Variants in RRP12 observed in about 807,000 individuals in gnomAD.
The protein encoded by RRP12 is ribosomal RNA processing 12 homolog.
A neutral mutation model predicts 157.3 loss-of-function variants in RRP12; 78 were observed. The ratio of observed to expected loss-of-function variants is 0.50; its 90% CI spans 0.41 to 0.60. RRP12 has a LOEUF of 0.60. Ranked by LOEUF, RRP12 falls within the 20% of genes least tolerant of loss-of-function variation. The pLI is 0.00. For missense variants in RRP12, 1,521 were observed against 1,679.9 expected, an observed-to-expected ratio of 0.91 and a Z score of 1.65; for synonymous variants, 726 against 670.9, an observed-to-expected ratio of 1.08 and a Z score of -1.27.
rs1589410857 is a variant in RRP12, at chr10:97,363,426, G to C, written c.3567+428C>G. Reference sequence around the variant, plus strand: ...TCCTGGTTTGCACAGACTGAGTCCTGTGACCCTGGGCAGGCTACTTACCTC... The same window carrying C: ...TCCTGGTTTGCACAGACTGAGTCCTCTGACCCTGGGCAGGCTACTTACCTC... On this transcript the variant is annotated intron_variant, in intron 30 of 33. Transcript: ENST00000370992. Among the ~76,000 whole-genome samples, 3 of 152,300 alleles carry C rather than the reference G, an allele frequency of 2.0e-5. No individual in the cohort carries two copies. The Middle Eastern group carries it at 0.01, about 518-fold the overall frequency.
rs1294497830 is a variant in RRP12 at position 97,372,076 on chromosome 10, T to C, written c.2340A>G (p.Leu780=). The C allele has an allele frequency of 1.2e-6, 2 of 1,611,736 alleles. No homozygotes were observed. The highest frequency in any genetic ancestry group is 1.3e-5 in the African/African-American group (1 of 74,904). Reference sequence around the variant, plus strand: ...GCTCCTGGCCCCCGAGGCTCACCTCTAGGTAGGGCCGGATGGTGGAGTATA... The same window carrying C: ...GCTCCTGGCCCCCGAGGCTCACCTCCAGGTAGGGCCGGATGGTGGAGTATA... ...SKLYSTIRPY[L]ESKAHGVQKK... The change falls in exon 20 of 34, where the codon CTA becomes CTG. Residue 780 remains leucine, a synonymous_variant. Transcript: ENST00000370992.
At chr10:97,385,366 G>T in intron 9 of RRP12, 109 bp from the exon 10 acceptor site, 1 of 865,856 alleles carries the variant, frequency 1.2e-6, no homozygotes, top group Non-Finnish European at 1.9e-6. Flanking sequence ...CAGTGCTTGT[G>T]ACCCTAGCAC....
intron 15 of RRP12, among the ~76,000 whole-genome samples, chr10:97,379,041 A>G (rs866952732): frequency 1.3e-5 from 2 of 152,250 alleles, no homozygotes; most frequent in Admixed American, 6.5e-5. Flanking sequence ...CAGTTGGGGC[A>G]GCTCCATGTG....
At chr10:97,361,223 G>A (rs1350034141) in intron 30 of RRP12, among the ~76,000 whole-genome samples, 4 of 152,316 alleles carry the variant, frequency 2.6e-5, no homozygotes, top group East Asian at 1.9e-4. Context: ...ACGTCAGCTC[G>A]TCAATTATAT....
intron 3 of RRP12, among the ~76,000 whole-genome samples, chr10:97,394,820 T>C (rs1345870427): frequency 6.6e-6 from 1 of 152,216 alleles, no homozygotes; most frequent in Non-Finnish European, 1.5e-5. Context: ...GTATGTTCTT[T>C]TTGTGTGTGT....
chr10:97,374,918 T>C (rs1251768186), intron 15 of RRP12, among the ~76,000 whole-genome samples: 1 of 152,138 alleles, frequency 6.6e-6, no homozygotes, highest in Non-Finnish European at 1.5e-5. Flanking sequence ...ACTTTTTCAT[T>C]TAATCCTCAC....
chr10:97,372,846 G>A (rs41300215), intron 18 of RRP12, 43 bp from the exon 19 acceptor site: 92,573 of 1,536,726 alleles, frequency 0.06, 3,097 homozygotes, highest in East Asian at 0.1. Context: ...TCATTGGGGA[G>A]GAGCGAAAGA....
chr10:97,389,344 C>T (rs940749454), intron 6 of RRP12, among the ~76,000 whole-genome samples: 8 of 152,102 alleles, frequency 5.3e-5, no homozygotes, highest in Non-Finnish European at 1.2e-4. Context: ...CCGCCCGCCT[C>T]GGCCTCCCAA....
chr10:97,365,272 G>T (rs907502768), intron 29 of RRP12, among the ~76,000 whole-genome samples: 6 of 118,464 alleles, frequency 5.1e-5, no homozygotes, highest in Admixed American at 1.9e-4. Context: ...AGACCTAGGT[G>T]TTTTTTTTTT....
chr10:97,388,060 T>C, intron 8 of RRP12, 192 bp downstream of exon 8: 1 of 634,156 alleles, frequency 1.6e-6, no homozygotes, highest in South Asian at 2.0e-5. Flanking sequence ...TGAGGTCAGC[T>C]TCCATCTGGA....
intron 15 of RRP12, among the ~76,000 whole-genome samples, chr10:97,376,609 G>A (rs1844315526): frequency 6.6e-6 from 1 of 152,154 alleles, no homozygotes; most frequent in African/African-American, 2.4e-5. Flanking sequence ...TTGACAATGT[G>A]GACATTTTGG....
At chr10:97,362,396 G>C (rs1041324546) in intron 30 of RRP12, among the ~76,000 whole-genome samples, 1 of 152,222 alleles carries the variant, frequency 6.6e-6, no homozygotes, top group East Asian at 1.9e-4. Context: ...AAGATTTCCA[G>C]GAAAAGTGAA....
Position 97,372,145 on chromosome 10 carries a change from G to A in RRP12, c.2271C>T (p.Val757=), listed in dbSNP as rs1451971526. ...CGTCAGCACACGGAGCCAAGGCCAC[G>A]ACCAGGTCCAGGACAGACAATCTGC... ...DFTRLSVLDL[V]VALAPCADEA... The change falls in exon 20 of 34, where the codon GTC becomes GTT. Residue 757 remains valine, a synonymous_variant. Coordinates refer to ENST00000370992, the MANE Select transcript of RRP12 (RefSeq NM_015179.4). 1.9e-6 allele frequency: 3 copies of A among 1,613,518 alleles called. No homozygotes were observed. The highest frequency in any genetic ancestry group is 3.3e-5 in the Admixed American group (2 of 59,996).
At chr10:97,381,683 G>C in intron 11 of RRP12, 32 bp downstream of exon 11, 1 of 1,565,694 alleles carries the variant, frequency 6.4e-7, no homozygotes, top group Non-Finnish European at 8.8e-7. Context: ...AACCCCCTGT[G>C]CTCTCTGCTT....
At chr10:97,356,517 T>C (rs1843719612), downstream of RRP12, 1 of 152,286 alleles carries the variant, frequency 6.6e-6, no homozygotes, top group South Asian at 2.1e-4. Flanking sequence ...TCGCTGCCCC[T>C]CCTGACACAG....
In RRP12 at chr10:97,363,872, T is replaced by C; in HGVS notation, c.3549A>G (p.Glu1183=). The C allele has an allele frequency of 1.2e-6, 2 of 1,614,114 alleles. No individual in the cohort carries two copies. Among genetic ancestry groups the C allele is most frequent in the Non-Finnish European group, 1.7e-6 (2 of 1,179,980 alleles). ...GEDEEMADPM[E]DVIIRNKKHQ... Reference sequence around the variant, plus strand: ...TACTCACATTCCTGATGATCACATCTTCCATTGGGTCAGCCATCTCTTCAT... The same window carrying C: ...TACTCACATTCCTGATGATCACATCCTCCATTGGGTCAGCCATCTCTTCAT... The change falls in exon 30 of 34, where the codon GAA becomes GAG. Residue 1183 remains glutamate, a synonymous_variant. Coordinates refer to ENST00000370992, the MANE Select transcript of RRP12 (RefSeq NM_015179.4).
chr10:97,369,997 G>A (rs1844096385), intron 24 of RRP12, among the ~76,000 whole-genome samples, 170 bp downstream of exon 24: 1 of 152,228 alleles, frequency 6.6e-6, no homozygotes. Flanking sequence ...CGCAAGGGCG[G>A]GAGGCAGCGA....
intron 18 of RRP12, 88 bp downstream of exon 18, chr10:97,372,958 G>A (rs1424390918): frequency 2.7e-6 from 4 of 1,478,448 alleles, no homozygotes; most frequent in Non-Finnish European, 1.8e-6. Context: ...AGACCCACGT[G>A]AGCCCTGGTG....
rs1844445236 is a variant in RRP12 at position 97,380,831 on chromosome 10, ACG to A, written c.1499_1500del (p.Ala500ValfsTer18). ...VLQLLCVFFE[A>X]CGRQAHPVMR... is the part of the protein sequence containing the mutation. Reference sequence around the variant, plus strand: ...ATCACAGGGTGGGCCTGTCTCCCACACGCCTCGAAGAAGACACACAGCAGCTG... The same window carrying A: ...ATCACAGGGTGGGCCTGTCTCCCACACCTCGAAGAAGACACACAGCAGCTG... On this transcript the variant is annotated frameshift_variant, in exon 13 of 34. Transcript: ENST00000370992. LOFTEE classifies it high-confidence loss of function. 6.2e-7 allele frequency: 1 copy of A among 1,613,990 alleles called. No homozygotes were observed. The highest frequency in any genetic ancestry group is 8.5e-7 in the Non-Finnish European group (1 of 1,179,976).
Sources: gnomAD v4.1 joint callset for allele counts (sites outside exome capture counted in the v4.1 genomes callset) on GRCh38, gnomAD v4.1.1 for gene constraint, MANE v1.5 for transcripts, NCBI Gene and HGNC (gene_info 2026-07-23, HGNC 2026-07-21) for gene names.